EYA2: variants seen among roughly 807,000 people sequenced by gnomAD.
The protein encoded by EYA2 is EYA transcriptional coactivator and phosphatase 2.
In EYA2, 31 loss-of-function variants were observed where a neutral mutation model predicts 69.2. The ratio of observed to expected loss-of-function variants is 0.45; its 90% CI spans 0.34 to 0.60. EYA2 has a LOEUF of 0.60. EYA2 is among the 20% of genes least tolerant of loss of function. EYA2 has a pLI of 0.02. For synonymous variants in EYA2, 257 were observed against 279.4 expected (o/e 0.92, Z 0.80); for missense variants, 622 against 701.2 (o/e 0.89, Z 1.28).
At chr20:46,975,897 A>G (rs1219133172) in intron 1 of EYA2, among the ~76,000 whole-genome samples, 2 of 152,226 alleles carry the variant, frequency 1.3e-5, no homozygotes, top group Non-Finnish European at 2.9e-5. Context: ...ATTGTATGCC[A>G]AGCTCATATG....
rs1351011683 is a variant in EYA2 at position 47,072,264 on chromosome 20, T to C, written c.483+12T>C. On this transcript the variant is annotated intron_variant, in intron 6 of 15. Coordinates refer to ENST00000327619, the MANE Select transcript of EYA2 (RefSeq NM_005244.5). ...GGAGTGTGCACCAGGTAGACATGGC[T>C]CCCTCCCGATTCTTTCCTCAGTTCT... The C allele has an allele frequency of 6.2e-7, 1 of 1,605,564 alleles. No homozygotes were observed. The highest frequency in any genetic ancestry group is 1.7e-5 in the Admixed American group (1 of 59,292).
chr20:47,157,507 TA>T, intron 10 of EYA2, among the ~76,000 whole-genome samples: 1 of 151,818 alleles, frequency 6.6e-6, no homozygotes, highest in South Asian at 2.1e-4. Flanking sequence ...TTAAAATAGA[TA>T]AGGCTTTAGC....
At chr20:46,936,032 A>G (rs759045759) in intron 1 of EYA2, among the ~76,000 whole-genome samples, 120 of 152,146 alleles carry the variant, frequency 7.9e-4, no homozygotes, top group Middle Eastern at 3.2e-3. Context: ...AGAGTGCTCA[A>G]CTGCTGAGTG....
intron 1 of EYA2, among the ~76,000 whole-genome samples, chr20:46,915,428 A>T (rs1470716538): frequency 6.6e-6 from 1 of 152,116 alleles, no homozygotes; most frequent in African/African-American, 2.4e-5. Flanking sequence ...CAGAACGTGG[A>T]TGTTATCTAG....
chr20:46,963,459 G>A (rs1319605315), intron 1 of EYA2, among the ~76,000 whole-genome samples: 3 of 149,558 alleles, frequency 2.0e-5, no homozygotes, highest in Non-Finnish European at 4.4e-5. Flanking sequence ...TCCCTGCCCT[G>A]GTGAGCTGAG....
intron 5 of EYA2, among the ~76,000 whole-genome samples, chr20:47,049,860 A>ACCCCCCC (rs57648069): frequency 1.4e-4 from 18 of 126,242 alleles, no homozygotes; most frequent in African/African-American, 3.9e-4. Flanking sequence ...TCTGTGACAG[A>ACCCCCCC]CCCCCCCCCC....
At position 47,005,001 on chromosome 20, in the gene EYA2, C is replaced by T. The variant is rs373669958; in HGVS notation, c.215C>T (p.Thr72Met). ...PSTAMAAYGQ[T>M]QYSAGIQQAT... ...ACAGCCATGGCAGCCTACGGCCAGA[C>T]GCAGTACAGTGCGGGGATCCAGCAG... The change falls in exon 4 of 16, where the codon ACG (threonine) becomes ATG (methionine). Residue 72 changes from threonine to methionine, a missense_variant. By Grantham distance (81) the Thr-to-Met change is moderately conservative (BLOSUM62 -1). Coordinates refer to ENST00000327619, the MANE Select transcript of EYA2 (RefSeq NM_005244.5). 60 of 1,613,978 alleles carry T rather than the reference C, an allele frequency of 3.7e-5. No homozygotes were observed. The highest frequency in any genetic ancestry group is 1.3e-4 in the East Asian group (6 of 44,886).
intron 9 of EYA2, among the ~76,000 whole-genome samples, chr20:47,125,014 A>T (rs2033143454): frequency 2.0e-5 from 3 of 149,242 alleles, no homozygotes; most frequent in Non-Finnish European, 4.4e-5. Flanking sequence ...TGATTCAGCG[A>T]TGATGGAATG....
At chr20:47,035,384 C>T (rs1000152220) in intron 5 of EYA2, among the ~76,000 whole-genome samples, 1 of 152,122 alleles carries the variant, frequency 6.6e-6, no homozygotes, top group South Asian at 2.1e-4. Context: ...TCCCAGCCAC[C>T]CCCTCCCATA....
intron 1 of EYA2, among the ~76,000 whole-genome samples, chr20:46,949,784 G>A (rs1349014269): frequency 6.6e-6 from 1 of 152,240 alleles, no homozygotes; most frequent in African/African-American, 2.4e-5. Flanking sequence ...ATCTGTCTGT[G>A]TGTAGCCCAG....
intron 1 of EYA2, among the ~76,000 whole-genome samples, chr20:46,952,185 G>A (rs1978843176): frequency 1.3e-5 from 2 of 152,174 alleles, no homozygotes; most frequent in African/African-American, 2.4e-5. Flanking sequence ...GGTGGTCAGG[G>A]AGGTCTCTCT....
intron 4 of EYA2, among the ~76,000 whole-genome samples, chr20:47,007,690 A>G (rs1982800749): frequency 6.6e-6 from 1 of 151,950 alleles, no homozygotes; most frequent in Non-Finnish European, 1.5e-5. Context: ...ATCATAGCTC[A>G]CTGCACCCTC....
chr20:47,133,724 G>A (rs2033395710), intron 9 of EYA2, among the ~76,000 whole-genome samples: 1 of 152,174 alleles, frequency 6.6e-6, no homozygotes, highest in South Asian at 2.1e-4. Flanking sequence ...CCTCTCCCAG[G>A]GGAGCACGGA....
Position 47,188,500 on chromosome 20 carries a change from C to T in EYA2, c.*367C>T, listed in dbSNP as rs924591629. On this transcript the variant is annotated 3_prime_UTR_variant, in exon 16 of 16. Transcript: ENST00000327619. ...AATTTATGGACTAGTCTCATTACTCCGGAATTATGCTCTTGTACCTGTGTG... is the reference window on the plus strand; with the variant it reads ...AATTTATGGACTAGTCTCATTACTCTGGAATTATGCTCTTGTACCTGTGTG... 12 of 516,796 alleles carry T rather than the reference C, an allele frequency of 2.3e-5. No individual in the cohort carries two copies. Among genetic ancestry groups the T allele is most frequent in the Non-Finnish European group, 4.1e-5 (12 of 293,960 alleles). The allele number at this position is 516,796 out of a possible 1,614,324, so 32.0% of individuals were successfully genotyped here. A position where few individuals can be genotyped will look rare whatever the true frequency, so the allele number is the denominator to read the frequency against.
intron 5 of EYA2, among the ~76,000 whole-genome samples, chr20:47,051,992 A>G (rs1158819867): frequency 6.6e-6 from 1 of 152,150 alleles, no homozygotes; most frequent in Non-Finnish European, 1.5e-5. Context: ...TAGTTATCAA[A>G]CGTTTGTTGT....
intron 10 of EYA2, among the ~76,000 whole-genome samples, chr20:47,167,369 G>A (rs59251027): frequency 0.015 from 2,138 of 141,752 alleles, 48 homozygotes; most frequent in African/African-American, 0.053. Flanking sequence ...GCAGCCTCCT[G>A]CCTCCCAGGT....
Position 46,971,036 on chromosome 20 carries a change from T to C in EYA2, c.-10-18965T>C, listed in dbSNP as rs1037905511. On this transcript the variant is annotated intron_variant, in intron 1 of 15. Coordinates refer to ENST00000327619, the MANE Select transcript of EYA2 (RefSeq NM_005244.5). Reference sequence around the variant, plus strand: ...AGTTTAGGAAAGCTCATTAGATGAGTCTGAGTATTTTTGCAGTGTTTTTGA... The same window carrying C: ...AGTTTAGGAAAGCTCATTAGATGAGCCTGAGTATTTTTGCAGTGTTTTTGA... Among the ~76,000 whole-genome samples the C allele has an allele frequency of 1.1e-4, 17 of 151,860 alleles. No homozygotes were observed. The South Asian group carries it at 1.5e-3, about 13-fold the overall frequency.
intron 7 of EYA2, among the ~76,000 whole-genome samples, chr20:47,083,544 C>T (rs1262380428): frequency 2.8e-5 from 4 of 144,378 alleles, no homozygotes; most frequent in Non-Finnish European, 6.0e-5. Context: ...TGCCACCACA[C>T]TGCAGCCTGG....
At chr20:47,151,631 T>C (rs542504190) in intron 10 of EYA2, among the ~76,000 whole-genome samples, 1 of 152,068 alleles carries the variant, frequency 6.6e-6, no homozygotes, top group Admixed American at 6.5e-5. Flanking sequence ...CTCTTAAATC[T>C]CTGAACCAGT....
Sources: allele counts gnomAD v4.1 joint callset (sites outside exome capture counted in the v4.1 genomes callset), GRCh38; gene constraint gnomAD v4.1.1; transcripts MANE v1.5; gene names NCBI Gene and HGNC (gene_info 2026-07-23, HGNC 2026-07-21).